Variants in PDS5B observed in about 807,000 individuals in gnomAD.
PDS5B encodes PDS5 cohesin associated factor B.
In PDS5B, 51 loss-of-function variants were observed where a neutral mutation model predicts 184.1. That is an observed-to-expected ratio of 0.28 (90% CI 0.22 to 0.35). PDS5B has a LOEUF of 0.35. Among genes scored for constraint, PDS5B ranks in the 10% least tolerant of loss-of-function variants. The pLI is 1.00. For synonymous variants in PDS5B, 566 were observed against 569.2 expected, an observed-to-expected ratio of 0.99 and a Z score of 0.08; for missense variants, 1,180 against 1,723.3, an observed-to-expected ratio of 0.68 and a Z score of 5.58.
At chr13:32,742,194 T>C (rs1028017243) in intron 22 of PDS5B, among the ~76,000 whole-genome samples, 9 of 152,332 alleles carry the variant, frequency 5.9e-5, no homozygotes, top group African/African-American at 2.2e-4. Context: ...AAAAATACTT[T>C]AAATACTTCA....
intron 1 of PDS5B, among the ~76,000 whole-genome samples, chr13:32,600,237 A>G (rs1042305097): frequency 4.6e-5 from 7 of 152,122 alleles, no homozygotes; most frequent in Admixed American, 4.6e-4. Flanking sequence ...GTCTGTATTA[A>G]TGGACTTTTG....
chr13:32,761,959 C>T (rs1306335938), intron 30 of PDS5B, among the ~76,000 whole-genome samples: 1 of 152,180 alleles, frequency 6.6e-6, no homozygotes, highest in Non-Finnish European at 1.5e-5. Flanking sequence ...TGCAGCCTCA[C>T]CAGCATCTGT....
chr13:32,665,587 T>TAA (rs1950765476), intron 6 of PDS5B, among the ~76,000 whole-genome samples: 1 of 6,292 alleles, frequency 1.6e-4, no homozygotes, highest in Admixed American at 3.0e-3. Flanking sequence ...AGACTCCGAC[T>TAA]CAAAAAAAAA....
rs114871331 is a variant in PDS5B, at chr13:32,713,338, A to G, written c.2123+3232A>G. ...TTTTCTTATTCAAAGATGAATTAACAGAATACAGATAAGCAAGTTAACAAA... is the reference window on the plus strand; with the variant it reads ...TTTTCTTATTCAAAGATGAATTAACGGAATACAGATAAGCAAGTTAACAAA... On this transcript the variant is annotated intron_variant, in intron 19 of 34. Transcript: ENST00000315596. Among the ~76,000 whole-genome samples the G allele has an allele frequency of 5.6e-3, 851 of 152,358 alleles. 8 individuals are homozygous for G. Among genetic ancestry groups the G allele is most frequent in the African/African-American group, 0.02 (821 of 41,580 alleles).
At chr13:32,688,087 C>G (rs933355918) in intron 12 of PDS5B, among the ~76,000 whole-genome samples, 3 of 151,968 alleles carry the variant, frequency 2.0e-5, no homozygotes, top group African/African-American at 2.4e-5. Context: ...TATGAAAATG[C>G]AAAAGAATCT....
chr13:32,726,194 A>G (rs987728802), intron 19 of PDS5B, among the ~76,000 whole-genome samples: 10 of 151,256 alleles, frequency 6.6e-5, no homozygotes, highest in African/African-American at 1.5e-4. Flanking sequence ...ACCTGTCTGC[A>G]TATGTATGCA....
intron 1 of PDS5B, among the ~76,000 whole-genome samples, chr13:32,637,728 T>A (rs971973257): frequency 6.6e-6 from 1 of 152,124 alleles, no homozygotes; most frequent in African/African-American, 2.4e-5. Flanking sequence ...AGGCAATGTG[T>A]TACTAGAAGA....
intron 19 of PDS5B, among the ~76,000 whole-genome samples, chr13:32,711,352 T>TA (rs1416982832): frequency 5.9e-5 from 9 of 151,730 alleles, no homozygotes; most frequent in African/African-American, 1.7e-4. Context: ...CTGGCAAGAG[T>TA]AAGAAACCTT....
chr13:32,603,968 A>G (rs1432230974), intron 1 of PDS5B, among the ~76,000 whole-genome samples: 1 of 152,136 alleles, frequency 6.6e-6, no homozygotes, highest in African/African-American at 2.4e-5. Context: ...GCTTAAGGAG[A>G]TTTCGGGCTG....
chr13:32,706,803 AC>A lies in PDS5B; in HGVS notation c.1857-129del. The A allele has an allele frequency of 6.5e-6, 3 of 462,448 alleles. No homozygotes were observed. The South Asian group carries it at 1.4e-4, about 22-fold the overall frequency. 28.6% of individuals were successfully genotyped at this position (462,448 alleles called of 1,614,324 possible). On this transcript the variant is annotated intron_variant, in intron 17 of 34. Coordinates refer to ENST00000315596, the MANE Select transcript of PDS5B (RefSeq NM_015032.4). ...TAGTTGTTTTGCAGTAGTGTTAAAAACCAGCTATATCAAATTTGTATTTGGT... is the reference window on the plus strand; with the variant it reads ...TAGTTGTTTTGCAGTAGTGTTAAAAACAGCTATATCAAATTTGTATTTGGT...
chr13:32,646,571 T>C (rs908495959), intron 1 of PDS5B, among the ~76,000 whole-genome samples: 2 of 151,446 alleles, frequency 1.3e-5, no homozygotes, highest in Admixed American at 6.6e-5. Flanking sequence ...GGCCTATTTA[T>C]CTTTTTTTTT....
chr13:32,701,537 C>G, intron 17 of PDS5B, 99 bp downstream of exon 17: 1 of 682,562 alleles, frequency 1.5e-6, no homozygotes, highest in Non-Finnish European at 2.6e-6. Flanking sequence ...AGCTACACAT[C>G]TGTGTGTATT....
chr13:32,760,256 A>G (rs1289526530), intron 29 of PDS5B, among the ~76,000 whole-genome samples: 2 of 152,180 alleles, frequency 1.3e-5, no homozygotes, highest in African/African-American at 4.8e-5. Flanking sequence ...CACCCGGCCA[A>G]AAAAGCATAT....
intron 26 of PDS5B, among the ~76,000 whole-genome samples, chr13:32,757,109 AG>A (rs1954209277): frequency 6.6e-6 from 1 of 151,986 alleles, no homozygotes; most frequent in African/African-American, 2.4e-5. Flanking sequence ...CTGGGCAAAC[AG>A]AGTGAGACTC....
intron 24 of PDS5B, among the ~76,000 whole-genome samples, chr13:32,746,415 A>AT (rs1953744810): frequency 6.6e-6 from 1 of 152,108 alleles, no homozygotes; most frequent in South Asian, 2.1e-4. Context: ...TGGCCACAAC[A>AT]TTTTCATCAT....
At chr13:32,625,397 A>T (rs995985674) in intron 1 of PDS5B, among the ~76,000 whole-genome samples, 1 of 152,166 alleles carries the variant, frequency 6.6e-6, no homozygotes, top group Non-Finnish European at 1.5e-5. Context: ...AGTTTTACAT[A>T]TACAAATCTC....
At chr13:32,742,496 C>A in intron 22 of PDS5B, 95 bp from the exon 23 acceptor site, 4 of 951,208 alleles carry the variant, frequency 4.2e-6, no homozygotes, top group South Asian at 1.8e-5. Context: ...TCTTAAAAAG[C>A]ATCCATTAAA....
chr13:32,665,003 C>A (rs1023496569), intron 6 of PDS5B, among the ~76,000 whole-genome samples: 2 of 152,136 alleles, frequency 1.3e-5, no homozygotes, highest in African/African-American at 4.8e-5. Context: ...CTAATCTTGA[C>A]ATTATTTTCA....
chr13:32,628,913 C>T (rs1416190567), intron 1 of PDS5B, among the ~76,000 whole-genome samples: 2 of 152,002 alleles, frequency 1.3e-5, no homozygotes, highest in East Asian at 3.8e-4. Flanking sequence ...TATTCTAGTA[C>T]ATTTATATTG....
Sources: gnomAD v4.1 joint callset for allele counts (sites outside exome capture counted in the v4.1 genomes callset) on GRCh38, gnomAD v4.1.1 for gene constraint, MANE v1.5 for transcripts, NCBI Gene and HGNC (gene_info 2026-07-23, HGNC 2026-07-21) for gene names.